DPP6: variants seen among roughly 807,000 people sequenced by gnomAD.
The protein encoded by DPP6 is dipeptidyl peptidase like 6.
DPP6 carries 69 observed loss-of-function variants against 122.6 expected under a neutral mutation model. That is an observed-to-expected ratio of 0.56 (90% CI 0.46 to 0.69). The LOEUF (loss-of-function observed/expected upper bound fraction) is 0.69, where lower values mean the gene tolerates loss of function less well. Ranked by LOEUF, DPP6 falls within the 30% of genes least tolerant of loss-of-function variation. DPP6 has a pLI of 0.00. For synonymous variants in DPP6, 418 were observed against 433.1 expected, an observed-to-expected ratio of 0.97 and a Z score of 0.43; for missense variants, 928 against 1,116.9, an observed-to-expected ratio of 0.83 and a Z score of 2.41.
At chr7:154,599,237 C>A (rs918523595) in intron 5 of DPP6, among the ~76,000 whole-genome samples, 3 of 152,106 alleles carry the variant, frequency 2.0e-5, no homozygotes, top group African/African-American at 4.8e-5. Context: ...CCAGGGAAAA[C>A]AAAGGCCCCA....
intron 6 of DPP6, among the ~76,000 whole-genome samples, chr7:154,654,166 C>T (rs1012323838): frequency 2.0e-5 from 3 of 152,080 alleles, no homozygotes; most frequent in Non-Finnish European, 4.4e-5. Context: ...AAATACCACA[C>T]ATTTTATATC....
chr7:153,969,850 C>T (rs1316844669), intron 1 of DPP6, among the ~76,000 whole-genome samples: 2 of 151,094 alleles, frequency 1.3e-5, no homozygotes, highest in Non-Finnish European at 2.9e-5. Context: ...TCCTTTACAC[C>T]CCAGCCCTTG....
At chr7:154,361,220 A>G (rs1331156872) in intron 1 of DPP6, among the ~76,000 whole-genome samples, 1 of 152,210 alleles carries the variant, frequency 6.6e-6, no homozygotes, top group Non-Finnish European at 1.5e-5. Context: ...CTGGAATGCA[A>G]GTTGTCACTG....
At position 154,453,885 on chromosome 7, in the gene DPP6, C is replaced by A. The variant is rs554202741; in HGVS notation, c.358+7557C>A. Among the ~76,000 whole-genome samples, 3 of 152,214 alleles carry A rather than the reference C, an allele frequency of 2.0e-5. No homozygotes were observed. In the South Asian group the frequency reaches 6.2e-4, roughly 32 times the overall value. ...ATTGTACTGCTACCCAATTTTTAAC[C>A]TATATTGGATTATCTTATCATAAAG... is the stretch of plus-strand genomic sequence containing the variant. On this transcript the variant is annotated intron_variant, in intron 2 of 25. Coordinates refer to ENST00000377770, the MANE Select transcript of DPP6 (RefSeq NM_130797.4).
intron 8 of DPP6, among the ~76,000 whole-genome samples, chr7:154,766,630 A>C (rs1795916583): frequency 6.6e-6 from 1 of 152,232 alleles, no homozygotes; most frequent in African/African-American, 2.4e-5. Context: ...GGTAACCTGT[A>C]GTGATGGTTT....
chr7:154,253,842 C>G (rs1314394491), intron 1 of DPP6, among the ~76,000 whole-genome samples: 2 of 152,198 alleles, frequency 1.3e-5, no homozygotes, highest in Non-Finnish European at 2.9e-5. Context: ...TAACAGGAAG[C>G]ATGGCCAGGG....
the DPP6 span, among the ~76,000 whole-genome samples, chr7:153,785,967 T>C: frequency 6.6e-6 from 1 of 151,986 alleles, no homozygotes; most frequent in Non-Finnish European, 1.5e-5. Flanking sequence ...ATAACAAATG[T>C]ATAGGAGCCA....
intron 2 of DPP6, among the ~76,000 whole-genome samples, chr7:154,468,793 A>C (rs2151332646): frequency 6.6e-6 from 1 of 152,316 alleles, no homozygotes; most frequent in South Asian, 2.1e-4. Context: ...TATGTGACTA[A>C]TTTTGATGTT....
chr7:153,919,223 T>C (rs1186899784), intron 1 of DPP6, among the ~76,000 whole-genome samples: 1 of 152,236 alleles, frequency 6.6e-6, no homozygotes, highest in East Asian at 1.9e-4. Flanking sequence ...GGACACTCGG[T>C]GTCATCCAGG....
rs1796687433 is a variant in DPP6 at position 153,983,378 on chromosome 7, A to G, written c.51+95644A>G. ...AAAACCACGTACTCAAGCCTCAGTA[A>G]TGGCGATCACCCCTCCCCTGACCAA... On this transcript the variant is annotated intron_variant, in intron 1 of 25. Transcript: ENST00000404039. Among the ~76,000 whole-genome samples the G allele has an allele frequency of 3.3e-5, 5 of 152,326 alleles. No homozygotes were observed. In the South Asian group the frequency reaches 1.0e-3, roughly 32 times the overall value.
At chr7:154,376,328 G>C (rs1449383441) in intron 1 of DPP6, among the ~76,000 whole-genome samples, 1 of 152,126 alleles carries the variant, frequency 6.6e-6, no homozygotes, top group African/African-American at 2.4e-5. Context: ...CTTTTAGCAG[G>C]ACATAATTCA....
intron 2 of DPP6, among the ~76,000 whole-genome samples, chr7:154,463,282 A>G (rs1007829224): frequency 7.4e-6 from 1 of 134,372 alleles, no homozygotes; most frequent in Non-Finnish European, 1.5e-5. Flanking sequence ...ATCTCGACTC[A>G]CTGCAAGCTC....
the DPP6 span, among the ~76,000 whole-genome samples, chr7:153,829,837 G>T: frequency 6.6e-6 from 1 of 152,144 alleles, no homozygotes; most frequent in Non-Finnish European, 1.5e-5. Flanking sequence ...ATTGTTTCGG[G>T]TACTCTTTAC....
chr7:154,618,172 T>C lies in DPP6; in HGVS notation c.628-19649T>C, dbSNP rs569629387. On this transcript the variant is annotated intron_variant, in intron 5 of 25. Coordinates refer to ENST00000377770, the MANE Select transcript of DPP6 (RefSeq NM_130797.4). The surrounding 1 kb of genome is among the most constrained non-coding windows in gnomAD (Gnocchi z 4.1). ...GTTCCAGAGCTGTATGATCCCGGAA[T>C]TGTACCCTGTGAAAAAGCATAGCTG... Among the ~76,000 whole-genome samples, 1 of 152,276 alleles carries C rather than the reference T, an allele frequency of 6.6e-6. No homozygotes were observed. Among genetic ancestry groups the C allele is most frequent in the African/African-American group, 2.4e-5 (1 of 41,552 alleles).
chr7:154,297,397 G>T (rs1805613254), intron 1 of DPP6, among the ~76,000 whole-genome samples: 1 of 152,150 alleles, frequency 6.6e-6, no homozygotes, highest in South Asian at 2.1e-4. Context: ...GCCAGGTTTG[G>T]CCCATGAGCC....
the DPP6 span, among the ~76,000 whole-genome samples, chr7:153,775,561 T>C: frequency 3.9e-5 from 6 of 151,900 alleles, no homozygotes; most frequent in Non-Finnish European, 8.8e-5. Context: ...ATAAATAGTA[T>C]TTTATTTACT....
chr7:154,061,817 C>G (rs1241697105), intron 1 of DPP6, among the ~76,000 whole-genome samples: 1 of 134,954 alleles, frequency 7.4e-6, no homozygotes, highest in Non-Finnish European at 1.6e-5. Context: ...TGAGAGCGAG[C>G]CCCTCTTCCC....
intron 1 of DPP6, among the ~76,000 whole-genome samples, chr7:154,017,708 T>TAAAAAAAAA (rs945886454): frequency 1.1e-4 from 6 of 52,982 alleles, no homozygotes; most frequent in African/African-American, 4.7e-4. Flanking sequence ...CTAAAAAAAA[T>TAAAAAAAAA]AAAAAAAAAA....
the DPP6 span, among the ~76,000 whole-genome samples, chr7:153,809,759 G>T: frequency 6.6e-6 from 1 of 150,564 alleles, no homozygotes; most frequent in South Asian, 2.1e-4. Context: ...TGAGCTCCAC[G>T]AAGTTGCCCA....
Sources: allele counts gnomAD v4.1 joint callset (sites outside exome capture counted in the v4.1 genomes callset), GRCh38; gene constraint gnomAD v4.1.1; non-coding constraint Gnocchi (gnomAD v3.1); transcripts MANE v1.5; gene names NCBI Gene and HGNC (gene_info 2026-07-23, HGNC 2026-07-21).